The following SGCD variants were observed in gnomAD, a reference collection of about 807,000 sequenced individuals.
SGCD encodes delta-sarcoglycan.
Under a neutral mutation model 36.6 loss-of-function variants are expected in SGCD, and 18 were observed. The ratio of observed to expected loss-of-function variants is 0.49; its 90% CI spans 0.34 to 0.73. SGCD has a LOEUF of 0.73. Among genes scored for constraint, SGCD ranks in the 30% least tolerant of loss-of-function variants. The pLI is 0.01. For synonymous variants in SGCD, 133 were observed against 130.6 expected, an observed-to-expected ratio of 1.02 and a Z score of -0.12; for missense variants, 387 against 346.7, an observed-to-expected ratio of 1.12 and a Z score of -0.92.
the SGCD span, among the ~76,000 whole-genome samples, chr5:155,819,907 T>G: frequency 6.6e-6 from 1 of 152,184 alleles, no homozygotes; most frequent in African/African-American, 2.4e-5. Context: ...TTATAACTAA[T>G]CAAAACAATA....
At chr5:156,141,339 C>T (rs1008761958) in intron 3 of SGCD, among the ~76,000 whole-genome samples, 3 of 152,138 alleles carry the variant, frequency 2.0e-5, no homozygotes, top group South Asian at 4.1e-4. Context: ...AGCAAGGTCA[C>T]CCCAAGACCC....
intron 7 of SGCD, among the ~76,000 whole-genome samples, chr5:156,748,142 C>T (rs1468424306): frequency 2.0e-5 from 3 of 152,160 alleles, no homozygotes; most frequent in African/African-American, 7.2e-5. Flanking sequence ...CTATTATTCT[C>T]ATTATATGAA....
upstream of SGCD, among the ~76,000 whole-genome samples, chr5:155,869,252 C>T (rs1221220687): frequency 6.6e-6 from 1 of 152,158 alleles, no homozygotes; most frequent in Non-Finnish European, 1.5e-5. Flanking sequence ...TGTTTCTGGG[C>T]ACTATTCGGT....
rs1390037197 is a variant in SGCD, at chr5:156,423,416, T to A, written c.192+78739T>A. Among the ~76,000 whole-genome samples, 132 of 111,372 alleles carry A rather than the reference T, an allele frequency of 1.2e-3. 3 individuals are homozygous for A. The highest frequency in any genetic ancestry group is 3.0e-3 in the East Asian group (13 of 4,314). The allele number at this position is 111,372 out of a possible 152,430, so 73.1% of individuals were successfully genotyped here. ...TTATATTTTATTATAATATAATATA[T>A]TATATTTTAATAAAATATAATATAT... is the stretch of plus-strand genomic sequence containing the variant. On this transcript the variant is annotated intron_variant, in intron 3 of 8. Transcript: ENST00000337851.
chr5:156,572,977 C>T (rs1380635630), intron 4 of SGCD, among the ~76,000 whole-genome samples: 1 of 152,028 alleles, frequency 6.6e-6, no homozygotes, highest in Non-Finnish European at 1.5e-5. Context: ...TTAGGGTACA[C>T]AAAAATAATT....
chr5:156,035,084 C>T (rs969719524), intron 1 of SGCD, among the ~76,000 whole-genome samples: 2 of 152,080 alleles, frequency 1.3e-5, no homozygotes, highest in African/African-American at 4.8e-5. Flanking sequence ...ATTAGATAAC[C>T]ATTCTGTTAT....
At chr5:155,729,684 G>A in the SGCD span, among the ~76,000 whole-genome samples, 1 of 152,274 alleles carries the variant, frequency 6.6e-6, no homozygotes, top group South Asian at 2.1e-4. Flanking sequence ...CCGAGCCCCG[G>A]GCTGCCTCTG....
chr5:156,017,712 GT>G (rs1374223186), intron 1 of SGCD, among the ~76,000 whole-genome samples: 1 of 151,942 alleles, frequency 6.6e-6, no homozygotes, highest in Non-Finnish European at 1.5e-5. Context: ...AAATGGAAAT[GT>G]TTTTCTAAGA....
At chr5:156,507,803 G>A (rs971435717) in intron 3 of SGCD, among the ~76,000 whole-genome samples, 2 of 152,152 alleles carry the variant, frequency 1.3e-5, no homozygotes, top group African/African-American at 4.8e-5. Context: ...TTTAGGAACT[G>A]GCCTAGTATT....
intron 6 of SGCD, among the ~76,000 whole-genome samples, chr5:156,636,221 G>C (rs146955718): frequency 6.6e-6 from 1 of 152,086 alleles, no homozygotes; most frequent in Non-Finnish European, 1.5e-5. Context: ...AGGCTTACTC[G>C]TTTACTTACT....
At chr5:155,917,281 A>G (rs1756765540) in intron 1 of SGCD, among the ~76,000 whole-genome samples, 1 of 152,144 alleles carries the variant, frequency 6.6e-6, no homozygotes, top group Non-Finnish European at 1.5e-5. Context: ...AGAATAGCTC[A>G]AAGTATGTGA....
chr5:156,395,782 C>T (rs563485761), intron 3 of SGCD, among the ~76,000 whole-genome samples: 1 of 152,300 alleles, frequency 6.6e-6, no homozygotes, highest in East Asian at 1.9e-4. Context: ...TGTCTGTAGC[C>T]TGTGGGCTTT....
intron 4 of SGCD, among the ~76,000 whole-genome samples, chr5:156,527,034 G>A (rs1757673113): frequency 6.6e-6 from 1 of 152,268 alleles, no homozygotes; most frequent in Non-Finnish European, 1.5e-5. Context: ...TGTATGAGTT[G>A]AGGGCCACTG....
intron 3 of SGCD, among the ~76,000 whole-genome samples, chr5:156,495,693 C>T (rs1172555217): frequency 6.6e-6 from 1 of 152,196 alleles, no homozygotes; most frequent in Non-Finnish European, 1.5e-5. Context: ...GAACACTTGG[C>T]ATAGGCCTAA....
intron 1 of SGCD, among the ~76,000 whole-genome samples, chr5:156,073,336 T>G (rs188950467): frequency 6.6e-6 from 1 of 152,274 alleles, no homozygotes; most frequent in African/African-American, 2.4e-5. Flanking sequence ...GGTGGGAGGA[T>G]TACTTTAGCC....
chr5:155,846,485 A>G, the SGCD span, among the ~76,000 whole-genome samples: 1 of 152,146 alleles, frequency 6.6e-6, no homozygotes, highest in Non-Finnish European at 1.5e-5. Context: ...AGACTTCTTT[A>G]GCTCTGCCTT....
At chr5:156,208,616 T>A (rs1764353317) in intron 3 of SGCD, among the ~76,000 whole-genome samples, 1 of 152,372 alleles carries the variant, frequency 6.6e-6, no homozygotes, top group South Asian at 2.1e-4. Flanking sequence ...TGACTTTCTG[T>A]ACTTAATAAT....
chr5:156,169,960 G>A (rs993770299), intron 3 of SGCD, among the ~76,000 whole-genome samples: 2 of 152,080 alleles, frequency 1.3e-5, no homozygotes, highest in African/African-American at 4.8e-5. Flanking sequence ...GAAGTCTCTG[G>A]GTGTGCCCGT....
chr5:155,868,926 A>G (rs954172647), upstream of SGCD, among the ~76,000 whole-genome samples: 3 of 152,208 alleles, frequency 2.0e-5, no homozygotes, highest in African/African-American at 4.8e-5. Context: ...AACAGTAATT[A>G]TTATAGAGAC....
Sources: allele counts gnomAD v4.1 joint callset (sites outside exome capture counted in the v4.1 genomes callset), GRCh38; gene constraint gnomAD v4.1.1; transcripts MANE v1.5; gene names NCBI Gene and HGNC (gene_info 2026-07-23, HGNC 2026-07-21).